Variants in GPD1 observed in about 807,000 individuals in gnomAD.
The protein encoded by GPD1 is glycerol-3-phosphate dehydrogenase [NAD(+)], cytoplasmic.
GPD1 carries 19 observed loss-of-function variants against 34.4 expected under a neutral mutation model. The ratio of observed to expected loss-of-function variants is 0.55; its 90% CI spans 0.39 to 0.81. The LOEUF is 0.81. Among genes scored for constraint, GPD1 ranks in the 30% least tolerant of loss-of-function variants. The pLI, the probability that GPD1 is intolerant of heterozygous loss-of-function variation, is 0.00. For synonymous variants in GPD1, 172 were observed against 174.1 expected (o/e 0.99, Z 0.09); for missense variants, 429 against 447.0 (o/e 0.96, Z 0.36).
chr12:50,104,013 G>A lies in GPD1; in HGVS notation c.-38G>A, dbSNP rs759337286. The A allele has an allele frequency of 1.9e-6, 3 of 1,611,654 alleles. No individual in the cohort carries two copies. The highest frequency in any genetic ancestry group is 3.3e-4 in the Middle Eastern group (2 of 6,058). On this transcript the variant is annotated 5_prime_UTR_variant, in exon 1 of 8. In the 5' UTR this introduces an upstream ATG that the reference lacks. Coordinates refer to ENST00000301149, the MANE Select transcript of GPD1 (RefSeq NM_005276.4). ...TCCTAGCCGGCAGAGGAGCTAGGGA[G>A]TGTGGCACTGAGCCGGCTCAGGCAG... is the stretch of plus-strand genomic sequence containing the variant.
chr12:50,108,948 A>C (rs1951001957), intron 7 of GPD1, among the ~76,000 whole-genome samples: 1 of 152,080 alleles, frequency 6.6e-6, no homozygotes, highest in Non-Finnish European at 1.5e-5. Context: ...CAGCCTGACC[A>C]ACATGGTGAA....
chr12:50,106,073 G>A (rs1418087258), intron 3 of GPD1: 3 of 615,092 alleles, frequency 4.9e-6, no homozygotes, highest in Non-Finnish European at 8.7e-6. Context: ...GGGACCCGTT[G>A]CCTTGGAGAA....
chr12:50,109,134 C>CAAAAAAAAAAAAAAAAAAAA (rs34926030), intron 7 of GPD1, among the ~76,000 whole-genome samples: 1 of 64,362 alleles, frequency 1.6e-5, no homozygotes, highest in African/African-American at 6.8e-5. Context: ...GAGTCTGTCT[C>CAAAAAAAAAAAAAAAAAAAA]AAAAAAAAAA....
chr12:50,104,831 T>A, intron 2 of GPD1, 80 bp downstream of exon 2: 7 of 1,236,214 alleles, frequency 5.7e-6, no homozygotes, highest in Non-Finnish European at 8.2e-6. Context: ...AACAGGTGCC[T>A]CCTGCTGAGA....
intron 5 of GPD1, chr12:50,107,291 G>C (rs1435815412): frequency 1.5e-6 from 1 of 661,498 alleles, no homozygotes; most frequent in Admixed American, 2.1e-5. Flanking sequence ...CTGTTGACTT[G>C]AGGGCTGTAC....
At chr12:50,107,349 T>G in intron 5 of GPD1, 1 of 690,242 alleles carries the variant, frequency 1.4e-6, no homozygotes, top group Non-Finnish European at 2.6e-6. Context: ...AAGAGTGGTT[T>G]TCAGAAAATG....
intron 5 of GPD1, chr12:50,107,301 C>A (rs1048656861): frequency 4.5e-6 from 3 of 666,052 alleles, no homozygotes. Flanking sequence ...GAGGGCTGTA[C>A]AATGGAATGG....
At chr12:50,105,410 T>G in intron 2 of GPD1, 138 bp from the exon 3 acceptor site, 1 of 763,978 alleles carries the variant, frequency 1.3e-6, no homozygotes, top group Non-Finnish European at 2.1e-6. Flanking sequence ...CCAAGTTCAG[T>G]CCTTCTAGAT....
Position 50,104,739 on chromosome 12 carries a change from G to T in GPD1, c.207G>T (p.Leu69Phe), listed in dbSNP as rs954648161. The T allele has an allele frequency of 4.3e-6, 7 of 1,613,738 alleles. No individual in the cohort carries two copies. The African/African-American group carries it at 8.0e-5, about 18-fold the overall frequency. ...ENVKYLPGHK[L>F]PPNVVAVPDV... Reference sequence around the variant, plus strand: ...TCAAATACCTGCCAGGGCACAAGTTGCCCCCAAATGTGGTGAGCCCCAACA... The same window carrying T: ...TCAAATACCTGCCAGGGCACAAGTTTCCCCCAAATGTGGTGAGCCCCAACA... Residue 69 changes from leucine (L) to phenylalanine (F), a missense_variant, in exon 2 of 8, where the codon TTG becomes TTT. Leu to Phe is a conservative substitution (Grantham distance 22). Transcript: ENST00000301149.
chr12:50,106,756 T>A (rs2137922727), intron 4 of GPD1, 49 bp from the exon 5 acceptor site: 4 of 1,074,046 alleles, frequency 3.7e-6, no homozygotes, highest in Non-Finnish European at 4.1e-6. Context: ...AAATAAATAT[T>A]TTTTAAAAAG....
Position 50,106,224 on chromosome 12 carries a change from T to C in GPD1, c.361-64T>C, listed in dbSNP as rs189131948. 5.6e-6 allele frequency: 8 copies of C among 1,431,982 alleles called. No individual in the cohort carries two copies. The East Asian group carries it at 1.9e-4, about 35-fold the overall frequency. The allele number at this position is 1,431,982 out of a possible 1,614,324, so 88.7% of individuals were successfully genotyped here. On this transcript the variant is annotated intron_variant, in intron 3 of 7. Coordinates refer to ENST00000301149, the MANE Select transcript of GPD1 (RefSeq NM_005276.4). ...GCAATGGATTTGGAAGGGACAGAATTTCTGGGCGGAAGCCCGCAGGTGGGC... is the reference window on the plus strand; with the variant it reads ...GCAATGGATTTGGAAGGGACAGAATCTCTGGGCGGAAGCCCGCAGGTGGGC...
At chr12:50,106,950 G>A (rs1446718258) in intron 5 of GPD1, 33 bp downstream of exon 5, 6 of 1,326,784 alleles carry the variant, frequency 4.5e-6, no homozygotes, top group Non-Finnish European at 4.4e-6. Flanking sequence ...TATGGGGTGA[G>A]GAGAAGGCCC....
chr12:50,106,685 T>C (rs1287269200), intron 4 of GPD1, 120 bp from the exon 5 acceptor site: 3 of 677,654 alleles, frequency 4.4e-6, no homozygotes, highest in South Asian at 3.9e-5. Context: ...GGTGGGAGGA[T>C]CGCTTAAGCC....
rs1337637598 is a variant in GPD1, at chr12:50,106,322, T to C, written c.395T>C (p.Ile132Thr). ...GAGGGCCCCAATGGGCTGAAGCTCA[T>C]CTCGGAAGTGATTGGGGAGCGCCTC... The part of the protein sequence containing the change: ...VDEGPNGLKL[I>T]SEVIGERLGI... The change falls in exon 4 of 8, where the codon ATC becomes ACC. Residue 132 changes from isoleucine to threonine, a missense_variant. Ile to Thr is a moderately conservative substitution (Grantham distance 89). Coordinates refer to ENST00000301149, the MANE Select transcript of GPD1 (RefSeq NM_005276.4). The C allele has an allele frequency of 6.2e-7, 1 of 1,613,528 alleles. No homozygotes were observed. Among genetic ancestry groups the C allele is most frequent in the East Asian group, 2.2e-5 (1 of 44,866 alleles).
chr12:50,110,926 C>T lies in GPD1; in HGVS notation c.*1407C>T, dbSNP rs1479188987. ...TAGTCCGGAGGGCCCGAGAGGCTCC[C>T]GCCCGTCCAGCAGGGCTGTCAGCTT... is the stretch of plus-strand genomic sequence containing the variant. On this transcript the variant is annotated 3_prime_UTR_variant, in exon 8 of 8. Coordinates refer to ENST00000301149, the MANE Select transcript of GPD1 (RefSeq NM_005276.4). 1 of 152,734 alleles carries T rather than the reference C, an allele frequency of 6.5e-6. No homozygotes were observed. Among genetic ancestry groups the T allele is most frequent in the South Asian group, 2.1e-4 (1 of 4,838 alleles). The allele number at this position is 152,734 out of a possible 1,614,324, so 9.5% of individuals were successfully genotyped here. A position where few individuals can be genotyped will look rare whatever the true frequency, so the allele number is the denominator to read the frequency against.
chr12:50,105,028 T>C (rs1235191126), intron 2 of GPD1: 5 of 473,324 alleles, frequency 1.1e-5, no homozygotes, highest in East Asian at 7.4e-5. Context: ...TGGGGTCCAG[T>C]AGTGCCTGCC....
chr12:50,104,097 C>G lies in GPD1; in HGVS notation c.41+6C>G. On this transcript the variant is annotated splice_donor_region_variant and intron_variant, in intron 1 of 7. Coordinates refer to ENST00000301149, the MANE Select transcript of GPD1 (RefSeq NM_005276.4). ...ATTGTAGGCTCCGGGAACTGGTAAG[C>G]AGCTCTGTCAAGTGATATGGGGGAA... is the stretch of plus-strand genomic sequence containing the variant. 6.2e-7 allele frequency: 1 copy of G among 1,613,708 alleles called. No individual in the cohort carries two copies. The highest frequency in any genetic ancestry group is 8.5e-7 in the Non-Finnish European group (1 of 1,179,610).
At chr12:50,104,183 T>TTCC (rs1488950798) in intron 1 of GPD1, 92 bp downstream of exon 1, 1 of 1,196,428 alleles carries the variant, frequency 8.4e-7, no homozygotes, top group Non-Finnish European at 1.3e-6. Context: ...GGCCCTCAGG[T>TTCC]TCCTGTTCAG....
chr12:50,106,494 C>A (rs1950979879), intron 4 of GPD1, 68 bp downstream of exon 4: 12 of 1,371,048 alleles, frequency 8.8e-6, no homozygotes, highest in Non-Finnish European at 1.2e-5. Context: ...CTGCCCCAAC[C>A]CCACTTAGCC....
Sources: gnomAD v4.1 joint callset for allele counts (sites outside exome capture counted in the v4.1 genomes callset) on GRCh38, gnomAD v4.1.1 for gene constraint, MANE v1.5 for transcripts, NCBI Gene and HGNC (gene_info 2026-07-23, HGNC 2026-07-21) for gene names.